VIPR1: variants seen among roughly 807,000 people sequenced by gnomAD.
VIPR1 encodes the protein vasoactive intestinal polypeptide receptor 1.
A neutral mutation model predicts 58.8 loss-of-function variants in VIPR1; 59 were observed. The observed-to-expected ratio is 1.00, with a 90% CI of 0.81 to 1.25. VIPR1 has a LOEUF of 1.25. Ranked by LOEUF, VIPR1 falls within the 50% of genes most tolerant of loss-of-function variation. The pLI is 0.00. For synonymous variants in VIPR1, 251 were observed against 242.1 expected, an observed-to-expected ratio of 1.04 and a Z score of -0.34; for missense variants, 626 against 602.7, an observed-to-expected ratio of 1.04 and a Z score of -0.40.
intron 1 of VIPR1, among the ~76,000 whole-genome samples, chr3:42,505,908 A>T (rs1700101279): frequency 6.6e-6 from 1 of 152,206 alleles, no homozygotes; most frequent in Admixed American, 6.5e-5. Flanking sequence ...TGAGTGGGAC[A>T]TAATCTACCC....
At chr3:42,495,276 C>A (rs934553282) in intron 1 of VIPR1, among the ~76,000 whole-genome samples, 2 of 152,038 alleles carry the variant, frequency 1.3e-5, no homozygotes, top group African/African-American at 4.8e-5. Context: ...CGCCCACCAC[C>A]ACTCCCGGCT....
intron 1 of VIPR1, among the ~76,000 whole-genome samples, chr3:42,497,511 C>T (rs1288749795): frequency 6.6e-6 from 1 of 152,198 alleles, no homozygotes; most frequent in East Asian, 1.9e-4. Context: ...GAAGCTGTGG[C>T]TGCTTTTGAA....
chr3:42,528,254 G>A, intron 6 of VIPR1, 131 bp downstream of exon 6: 1 of 1,262,576 alleles, frequency 7.9e-7, no homozygotes, highest in Non-Finnish European at 1.0e-6. Context: ...TCAATCCAAG[G>A]ATAGCCTAAC....
rs3733056 is a variant in VIPR1 at position 42,536,282 on chromosome 3, C to T, written c.*1C>T. ...CCAAGCCGAAGTCTCCCTGGTCTGACCACCAGGATCCCAGGGGCCCAAGGC... is the reference window on the plus strand; with the variant it reads ...CCAAGCCGAAGTCTCCCTGGTCTGATCACCAGGATCCCAGGGGCCCAAGGC... On this transcript the variant is annotated 3_prime_UTR_variant, in exon 13 of 13. Transcript: ENST00000325123. The T allele has an allele frequency of 4.1e-5, 63 of 1,545,514 alleles. No individual in the cohort carries two copies. In the East Asian group the frequency reaches 1.5e-3, roughly 37 times the overall value.
At chr3:42,515,459 C>T (rs1190675845) in intron 2 of VIPR1, among the ~76,000 whole-genome samples, 2 of 152,208 alleles carry the variant, frequency 1.3e-5, no homozygotes, top group Non-Finnish European at 2.9e-5. Context: ...CAGGCCCCAG[C>T]GGTGGGATCA....
At chr3:42,512,892 C>T in intron 1 of VIPR1, 1 of 985,494 alleles carries the variant, frequency 1.0e-6, no homozygotes, top group Non-Finnish European at 1.2e-6. Flanking sequence ...TTCCCAAGAC[C>T]TGTTTTTTCT....
chr3:42,534,437 T>C (rs1358571450), intron 10 of VIPR1: 4 of 152,962 alleles, frequency 2.6e-5, no homozygotes. Context: ...AGTGGGCCTC[T>C]GTTTCTATAA....
At chr3:42,532,176 G>C in intron 9 of VIPR1, 66 bp from the exon 10 acceptor site, 1 of 1,495,100 alleles carries the variant, frequency 6.7e-7, no homozygotes, top group Non-Finnish European at 9.3e-7. Flanking sequence ...CAGGCCAGCA[G>C]TCAAGGGGCC....
At chr3:42,524,437 C>T (rs567121646) in intron 3 of VIPR1, among the ~76,000 whole-genome samples, 1 of 152,188 alleles carries the variant, frequency 6.6e-6, no homozygotes, top group African/African-American at 2.4e-5. Context: ...TCCAATGCCC[C>T]CTCCTCAACC....
At chr3:42,500,881 C>A (rs989352468), upstream of VIPR1, among the ~76,000 whole-genome samples, 5 of 152,180 alleles carry the variant, frequency 3.3e-5, no homozygotes, top group Non-Finnish European at 4.4e-5. Flanking sequence ...CTGTGTCCAG[C>A]CTCACTGATT....
At chr3:42,522,142 CGCTCTGTCCCCCAG>C (rs1700980006) in intron 3 of VIPR1, among the ~76,000 whole-genome samples, 1 of 95,652 alleles carries the variant, frequency 1.0e-5, no homozygotes, top group Non-Finnish European at 2.0e-5. Flanking sequence ...GACAGCGTCT[CGCTCTGTCCCCCAG>C]GCTGGAGTGC....
At chr3:42,495,267 G>A (rs1444231675) in intron 1 of VIPR1, among the ~76,000 whole-genome samples, 5 of 150,692 alleles carry the variant, frequency 3.3e-5, no homozygotes, top group South Asian at 2.1e-4. Flanking sequence ...GACTATAGGC[G>A]CCCACCACCA....
At chr3:42,515,145 T>C (rs1175768305) in intron 2 of VIPR1, among the ~76,000 whole-genome samples, 1 of 152,212 alleles carries the variant, frequency 6.6e-6, no homozygotes, top group Admixed American at 6.5e-5. Flanking sequence ...AGGGAGCATC[T>C]TTACGTCTTC....
chr3:42,528,291 T>A, intron 6 of VIPR1, 168 bp downstream of exon 6: 1 of 890,490 alleles, frequency 1.1e-6, no homozygotes, highest in African/African-American at 2.1e-5. Context: ...CTGGCAGTAC[T>A]CAAATCACAC....
chr3:42,534,558 AT>A (rs1453046726), intron 10 of VIPR1: 1 of 156,368 alleles, frequency 6.4e-6, no homozygotes, highest in East Asian at 1.9e-4. Context: ...ACTGCTCTTG[AT>A]GGCTGAGAGC....
Position 42,537,408 on chromosome 3 carries a change from G to A in VIPR1, c.*1127G>A, listed in dbSNP as rs533515036. On this transcript the variant is annotated 3_prime_UTR_variant, in exon 13 of 13. Transcript: ENST00000325123. ...CCACCCTCCCTGGAGTGTGGCTGAG[G>A]AGGCCTCCATCTCATGTATCATCTG... is the stretch of plus-strand genomic sequence containing the variant. 80 of 152,312 alleles carry A rather than the reference G, an allele frequency of 5.3e-4. 1 individual carries two copies. Among genetic ancestry groups the A allele is most frequent in the African/African-American group, 1.9e-3 (79 of 41,554 alleles). 9.4% of individuals were successfully genotyped at this position (152,312 alleles called of 1,614,324 possible).
At chr3:42,511,025 G>A (rs1442332452) in intron 1 of VIPR1, among the ~76,000 whole-genome samples, 4 of 152,196 alleles carry the variant, frequency 2.6e-5, no homozygotes, top group Admixed American at 1.3e-4. Flanking sequence ...CCATTATCTT[G>A]TCCTCAGAGG....
intron 3 of VIPR1, chr3:42,519,606 C>G (rs143278096): frequency 0.012 from 3,937 of 324,492 alleles, 97 homozygotes; most frequent in Non-Finnish European, 1.0e-2. Context: ...AATTATGACT[C>G]CCATAGTCCT....
intron 3 of VIPR1, 150 bp from the exon 4 acceptor site, chr3:42,525,737 C>T: frequency 1.3e-6 from 1 of 743,870 alleles, no homozygotes; most frequent in Non-Finnish European, 2.1e-6. Flanking sequence ...CCCCACGGTG[C>T]CCTGGGTAAC....
Sources: gnomAD v4.1 joint callset for allele counts (sites outside exome capture counted in the v4.1 genomes callset) on GRCh38, gnomAD v4.1.1 for gene constraint, MANE v1.5 for transcripts, NCBI Gene and HGNC (gene_info 2026-07-23, HGNC 2026-07-21) for gene names.